Variants in ZNF804B observed in about 807,000 individuals in gnomAD.
The protein encoded by ZNF804B is zinc finger 804B.
ZNF804B carries 80 observed loss-of-function variants against 101.4 expected under a neutral mutation model. The ratio of observed to expected loss-of-function variants is 0.79; its 90% CI spans 0.66 to 0.95. The LOEUF is 0.95. Among genes scored for constraint, ZNF804B ranks in the 40% least tolerant of loss-of-function variants. ZNF804B has a pLI of 0.00. For synonymous variants in ZNF804B, 622 were observed against 558.8 expected (o/e 1.11, Z -1.59); for missense variants, 1,673 against 1,561.9 (o/e 1.07, Z -1.20).
intron 1 of ZNF804B, among the ~76,000 whole-genome samples, chr7:89,027,791 T>G (rs1245600991): frequency 6.6e-6 from 1 of 152,112 alleles, no homozygotes; most frequent in Non-Finnish European, 1.5e-5. Flanking sequence ...AGATGCAAAT[T>G]TTGGTCTCAT....
chr7:88,933,449 CAA>C (rs1409937688), intron 1 of ZNF804B, among the ~76,000 whole-genome samples: 16 of 151,826 alleles, frequency 1.1e-4, no homozygotes, highest in African/African-American at 1.9e-4. Context: ...CGCAATCAAA[CAA>C]GAGAAAGAAA....
intron 1 of ZNF804B, among the ~76,000 whole-genome samples, chr7:88,910,199 C>A (rs1304462910): frequency 2.0e-5 from 3 of 151,858 alleles, no homozygotes; most frequent in Non-Finnish European, 4.4e-5. Context: ...TTATCTCTCA[C>A]CATTGGGAAT....
intron 1 of ZNF804B, among the ~76,000 whole-genome samples, chr7:88,971,677 T>C (rs1793539914): frequency 6.6e-6 from 1 of 151,684 alleles, no homozygotes; most frequent in Admixed American, 6.6e-5. Context: ...TTCTTTTTAG[T>C]GGCATAATTT....
At chr7:88,895,069 G>A (rs1241074351) in intron 1 of ZNF804B, among the ~76,000 whole-genome samples, 2 of 152,058 alleles carry the variant, frequency 1.3e-5, no homozygotes, top group Non-Finnish European at 2.9e-5. Flanking sequence ...CTCACTGATG[G>A]GGGTATAGAT....
chr7:88,817,757 C>A (rs1277679081), intron 1 of ZNF804B, among the ~76,000 whole-genome samples: 1 of 152,116 alleles, frequency 6.6e-6, no homozygotes, highest in Non-Finnish European at 1.5e-5. Flanking sequence ...TTTCCAGTAA[C>A]ATTTTTAAAG....
At chr7:89,297,306 A>C (rs1790399084) in intron 2 of ZNF804B, among the ~76,000 whole-genome samples, 2 of 152,048 alleles carry the variant, frequency 1.3e-5, no homozygotes. Context: ...TTAGGGTCTA[A>C]AAGTTATTAC....
Position 89,334,834 on chromosome 7 carries a change from C to T in ZNF804B, c.1852C>T (p.Leu618=). ...TTGGCAAGGCTGCAGAAAGGCAGTT[C>T]TAAATGATATAGATGAGGACCTATC... ...AHWQGCRKAV[L]NDIDEDLSFP... Residue 618 remains leucine, a synonymous_variant, in exon 4 of 4, where the codon CTA becomes TTA. Transcript: ENST00000333190. The T allele has an allele frequency of 6.2e-7, 1 of 1,613,792 alleles. No homozygotes were observed. The highest frequency in any genetic ancestry group is 8.5e-7 in the Non-Finnish European group (1 of 1,179,874).
intron 1 of ZNF804B, among the ~76,000 whole-genome samples, chr7:89,101,556 T>C (rs999553440): frequency 6.6e-6 from 1 of 152,032 alleles, no homozygotes; most frequent in Non-Finnish European, 1.5e-5. Context: ...AAAAATTCAA[T>C]TTCTCACAAC....
intron 1 of ZNF804B, among the ~76,000 whole-genome samples, chr7:89,077,111 T>G (rs942918194): frequency 1.5e-4 from 4 of 25,970 alleles, no homozygotes; most frequent in Non-Finnish European, 3.1e-4. Context: ...TTGCTTTCCC[T>G]GTCATAATGG....
At chr7:88,766,302 A>G (rs867672687) in intron 1 of ZNF804B, among the ~76,000 whole-genome samples, 1 of 152,068 alleles carries the variant, frequency 6.6e-6, no homozygotes, top group Non-Finnish European at 1.5e-5. Context: ...ACAAAGGGAA[A>G]CCTTGTCTCA....
In ZNF804B at chr7:89,334,266, A is replaced by T; in HGVS notation, c.1284A>T (p.Val428=). The T allele has an allele frequency of 6.2e-7, 1 of 1,613,790 alleles. No homozygotes were observed. Among genetic ancestry groups the T allele is most frequent in the Non-Finnish European group, 8.5e-7 (1 of 1,179,840 alleles). The change falls in exon 4 of 4, where the codon GTA becomes GTT. Residue 428 remains valine, a synonymous_variant. Coordinates refer to ENST00000333190, the MANE Select transcript of ZNF804B (RefSeq NM_181646.5). The part of the protein sequence containing the change: ...ERVSKNVQRL[V]KEACTHNVAS... ...TTAGCAAAAATGTTCAAAGACTTGT[A>T]AAAGAAGCATGTACCCATAATGTGG...
chr7:89,123,277 A>G (rs10224288), intron 1 of ZNF804B, among the ~76,000 whole-genome samples: 107,615 of 151,396 alleles, frequency 0.71, 39,137 homozygotes, highest in African/African-American at 0.87. Context: ...GGGGGCAAGA[A>G]GACAAGCAAT....
intron 2 of ZNF804B, among the ~76,000 whole-genome samples, chr7:89,295,192 G>A (rs146135535): frequency 1.3e-3 from 195 of 152,180 alleles, no homozygotes; most frequent in African/African-American, 4.5e-3. Flanking sequence ...AGGGTTTCTT[G>A]CTTCTTCTGA....
At chr7:89,231,689 A>T (rs1046930519) in intron 2 of ZNF804B, among the ~76,000 whole-genome samples, 2 of 151,850 alleles carry the variant, frequency 1.3e-5, no homozygotes, top group Non-Finnish European at 2.9e-5. Flanking sequence ...AGTGATTTTT[A>T]TGCTATTTGA....
chr7:88,883,426 A>C (rs1385908858), intron 1 of ZNF804B, among the ~76,000 whole-genome samples: 1 of 152,132 alleles, frequency 6.6e-6, no homozygotes, highest in Admixed American at 6.6e-5. Context: ...TGGCCATATA[A>C]CTGAGCTGTA....
chr7:89,116,485 G>A (rs1790314275), intron 1 of ZNF804B, among the ~76,000 whole-genome samples: 1 of 152,132 alleles, frequency 6.6e-6, no homozygotes, highest in Admixed American at 6.5e-5. Flanking sequence ...GAGTCTTCAT[G>A]AACCCTGTGA....
intron 1 of ZNF804B, among the ~76,000 whole-genome samples, chr7:89,089,807 A>G (rs1047248239): frequency 2.0e-5 from 3 of 152,116 alleles, no homozygotes; most frequent in Non-Finnish European, 4.4e-5. Context: ...TACTTTTGAA[A>G]GACTTTCAAC....
intron 2 of ZNF804B, among the ~76,000 whole-genome samples, chr7:89,303,662 G>C (rs540819825): frequency 6.6e-6 from 1 of 151,866 alleles, no homozygotes. Flanking sequence ...AAAAGTTTTG[G>C]CATTATATCT....
intron 1 of ZNF804B, among the ~76,000 whole-genome samples, chr7:89,176,664 T>C (rs1791328626): frequency 6.8e-6 from 1 of 147,468 alleles, no homozygotes; most frequent in Admixed American, 6.8e-5. Flanking sequence ...CTGAACAAGT[T>C]TGGAAGTATT....
Sources: gnomAD v4.1 joint callset for allele counts (sites outside exome capture counted in the v4.1 genomes callset) on GRCh38, gnomAD v4.1.1 for gene constraint, MANE v1.5 for transcripts, NCBI Gene and HGNC (gene_info 2026-07-23, HGNC 2026-07-21) for gene names.